HTR4: variants seen among roughly 807,000 people sequenced by gnomAD.
The protein encoded by HTR4 is 5-hydroxytryptamine receptor 4.
HTR4 carries 16 observed loss-of-function variants against 36.8 expected under a neutral mutation model. The ratio of observed to expected loss-of-function variants is 0.43; its 90% CI spans 0.29 to 0.66. HTR4 has a LOEUF of 0.66. Ranked by LOEUF, HTR4 falls within the 30% of genes least tolerant of loss-of-function variation. The pLI is 0.13. For missense variants in HTR4, 438 were observed against 490.9 expected, an observed-to-expected ratio of 0.89 and a Z score of 1.02; for synonymous variants, 189 against 185.1, an observed-to-expected ratio of 1.02 and a Z score of -0.17.
intron 6 of HTR4, among the ~76,000 whole-genome samples, chr5:148,502,878 G>A (rs995802371): frequency 2.0e-5 from 3 of 152,182 alleles, no homozygotes; most frequent in African/African-American, 7.2e-5. Flanking sequence ...CGATCAACTG[G>A]AAGAAAGGGT....
At chr5:148,485,732 G>A (rs527729456) in intron 6 of HTR4, among the ~76,000 whole-genome samples, 7 of 152,296 alleles carry the variant, frequency 4.6e-5, no homozygotes, top group African/African-American at 1.7e-4. Flanking sequence ...GGAAAGTCCG[G>A]AAGACAAAGA....
chr5:148,623,032 G>A (rs904066926), intron 2 of HTR4, among the ~76,000 whole-genome samples: 1 of 152,108 alleles, frequency 6.6e-6, no homozygotes, highest in Non-Finnish European at 1.5e-5. Context: ...GAAAATATGA[G>A]TTGTAAATGT....
At chr5:148,603,829 G>A (rs1369384441) in intron 2 of HTR4, among the ~76,000 whole-genome samples, 1 of 152,002 alleles carries the variant, frequency 6.6e-6, no homozygotes, top group Admixed American at 6.6e-5. Flanking sequence ...GGTGATATTG[G>A]TATAAGAGTT....
intron 2 of HTR4, among the ~76,000 whole-genome samples, chr5:148,572,178 G>A (rs918999854): frequency 6.6e-6 from 1 of 152,080 alleles, no homozygotes; most frequent in Non-Finnish European, 1.5e-5. Context: ...GGCCTTGTCA[G>A]TTTCTCTGCT....
At chr5:148,552,789 G>A (rs193290367) in intron 2 of HTR4, among the ~76,000 whole-genome samples, 1 of 152,212 alleles carries the variant, frequency 6.6e-6, no homozygotes, top group Admixed American at 6.5e-5. Context: ...ACAATATCTA[G>A]TCTAGAGTAT....
chr5:148,510,935 G>A (rs770397586), intron 5 of HTR4, among the ~76,000 whole-genome samples: 1 of 152,194 alleles, frequency 6.6e-6, no homozygotes, highest in Non-Finnish European at 1.5e-5. Context: ...ATTGGGTAGG[G>A]CAAGGTCATG....
intron 2 of HTR4, among the ~76,000 whole-genome samples, chr5:148,582,259 T>C (rs1338299120): frequency 1.3e-5 from 2 of 152,148 alleles, no homozygotes; most frequent in African/African-American, 4.8e-5. Context: ...TAGGGTTTTA[T>C]ACATATAAGA....
rs367644487 is a variant in HTR4, at chr5:148,520,961, T to C, written c.507+2232A>G. On this transcript the variant is annotated intron_variant, in intron 5 of 6. Coordinates refer to ENST00000377888, the MANE Select transcript of HTR4 (RefSeq NM_000870.7). ...GGCCCAGGCCTTGGTTTAGACTCCT[T>C]TCCTTGAAAAAGAACAAGGCAGGAC... 5 of 1,367,802 alleles carry C rather than the reference T, an allele frequency of 3.7e-6. No homozygotes were observed. In the Admixed American group the frequency reaches 9.5e-5, roughly 26 times the overall value. The allele number at this position is 1,367,802 out of a possible 1,614,324, so 84.7% of individuals were successfully genotyped here.
At chr5:148,598,822 A>G (rs1761881925) in intron 2 of HTR4, among the ~76,000 whole-genome samples, 1 of 152,216 alleles carries the variant, frequency 6.6e-6, no homozygotes, top group South Asian at 2.1e-4. Flanking sequence ...TGTTGAAAGA[A>G]TGGCTGGTGA....
rs1760151255 is a variant in HTR4 at position 148,560,368 on chromosome 5, T to C, written c.27-10106A>G. Among the ~76,000 whole-genome samples, 3 of 152,222 alleles carry C rather than the reference T, an allele frequency of 2.0e-5. No homozygotes were observed. The South Asian group carries it at 6.2e-4, about 32-fold the overall frequency. ...ACAGACTGCTGAACCCACCCACACT[T>C]TCTAACTTAGTGCATCTTGGGTGAA... On this transcript the variant is annotated intron_variant, in intron 2 of 6. Transcript: ENST00000377888.
chr5:148,481,466 G>A (rs761383864), downstream of HTR4: 6 of 1,043,508 alleles, frequency 5.7e-6, no homozygotes, highest in Non-Finnish European at 5.6e-6. Flanking sequence ...TTCTCTTTCA[G>A]AGGCTATTTT....
At chr5:148,490,811 G>T in intron 6 of HTR4, 1 of 791,992 alleles carries the variant, frequency 1.3e-6, no homozygotes, top group Non-Finnish European at 1.9e-6. Context: ...CTCACATTAT[G>T]CAGAAGAAGT....
intron 2 of HTR4, among the ~76,000 whole-genome samples, chr5:148,552,384 A>C (rs1759740172): frequency 6.6e-6 from 1 of 152,204 alleles, no homozygotes; most frequent in South Asian, 2.1e-4. Flanking sequence ...GTACACTTAG[A>C]AAAAAGACCT....
In HTR4 at chr5:148,524,919, A is replaced by G. The variant is rs573714745; in HGVS notation, c.354-1573T>C. Among the ~76,000 whole-genome samples, 4 of 152,284 alleles carry G rather than the reference A, an allele frequency of 2.6e-5. No homozygotes were observed. In the South Asian group the frequency reaches 8.3e-4, roughly 32 times the overall value. ...GAGGAGAGCCCCGTGTTGGAGCACG[A>G]GGAGCAGGTGCCTCAGGAGCAGGGA... On this transcript the variant is annotated intron_variant, in intron 4 of 6. Coordinates refer to ENST00000377888, the MANE Select transcript of HTR4 (RefSeq NM_000870.7).
At chr5:148,489,858 T>C (rs560264594) in intron 6 of HTR4, among the ~76,000 whole-genome samples, 4 of 152,146 alleles carry the variant, frequency 2.6e-5, no homozygotes, top group Admixed American at 2.6e-4. Flanking sequence ...CTCAAGGTTA[T>C]CCTATTACAA....
At chr5:148,452,854 T>C (rs1755006600) in intron 5 of HTR4, among the ~76,000 whole-genome samples, 1 of 152,128 alleles carries the variant, frequency 6.6e-6, no homozygotes. Context: ...TTAACTAGGG[T>C]GGCCAGGAAA....
At chr5:148,600,976 C>CAAAAAAAAA (rs58003522) in intron 2 of HTR4, among the ~76,000 whole-genome samples, 529 of 13,610 alleles carry the variant, frequency 0.039, 66 homozygotes, top group Middle Eastern at 0.12. Flanking sequence ...AACTCAATAG[C>CAAAAAAAAA]AAAAAAAAAA....
At chr5:148,577,402 A>G (rs1176442622) in intron 2 of HTR4, among the ~76,000 whole-genome samples, 1 of 152,170 alleles carries the variant, frequency 6.6e-6, no homozygotes, top group African/African-American at 2.4e-5. Context: ...TGTGGAAAGC[A>G]GTATAGTGAT....
chr5:148,457,145 G>A (rs1201819395), intron 5 of HTR4, among the ~76,000 whole-genome samples: 2 of 151,736 alleles, frequency 1.3e-5, no homozygotes, highest in Non-Finnish European at 2.9e-5. Context: ...TCTGGAAAGA[G>A]ACAATCATCT....
Sources: gnomAD v4.1 joint callset for allele counts (sites outside exome capture counted in the v4.1 genomes callset) on GRCh38, gnomAD v4.1.1 for gene constraint, MANE v1.5 for transcripts, NCBI Gene and HGNC (gene_info 2026-07-23, HGNC 2026-07-21) for gene names.